Variants in IL4I1 observed in about 807,000 individuals in gnomAD.
IL4I1 encodes L-amino-acid oxidase.
IL4I1 carries 24 observed loss-of-function variants against 29.7 expected under a neutral mutation model. The ratio of observed to expected loss-of-function variants is 0.81; its 90% confidence interval spans 0.59 to 1.14. The LOEUF (loss-of-function observed/expected upper bound fraction) is 1.14. Among genes scored for constraint, IL4I1 ranks in the 50% most tolerant of loss-of-function variants. The pLI, the probability that IL4I1 is intolerant of heterozygous loss-of-function variation, is 0.00. For synonymous variants in IL4I1, 371 were observed against 352.5 expected (o/e 1.05, Z -0.59); for missense variants, 686 against 785.6 (o/e 0.87, Z 1.52).
chr19:49,907,684 G>A (rs942961208), intron 2 of IL4I1: 10 of 359,274 alleles, frequency 2.8e-5, no homozygotes, highest in South Asian at 4.3e-5. Context: ...GATCACAGGC[G>A]TCCACCACAC....
At chr19:49,901,480 G>T (rs762797530), upstream of IL4I1, among the ~76,000 whole-genome samples, 2 of 152,216 alleles carry the variant, frequency 1.3e-5, no homozygotes, top group Non-Finnish European at 2.9e-5. Context: ...GTGGGAGTCA[G>T]GGGGTCCAGG....
At chr19:49,929,334 CG>C (rs1199660713) in exon 1 of IL4I1, 1 of 154,862 alleles carries the variant, frequency 6.5e-6, no homozygotes, top group African/African-American at 2.4e-5. Flanking sequence ...ACCACGCCTG[CG>C]CTCTCCGCTC....
intron 2 of IL4I1, chr19:49,908,687 C>A: frequency 6.2e-7 from 1 of 1,612,232 alleles, no homozygotes; most frequent in Non-Finnish European, 8.5e-7. Flanking sequence ...GCGGTGCAGG[C>A]TGGTGATCTT....
intron 2 of IL4I1, chr19:49,907,462 T>C (rs1312396650): frequency 6.9e-6 from 3 of 437,466 alleles, no homozygotes; most frequent in Non-Finnish European, 1.3e-5. Flanking sequence ...CTGCTTTGCC[T>C]TGGTGGTTAG....
intron 2 of IL4I1, among the ~76,000 whole-genome samples, chr19:49,914,552 C>T (rs962049540): frequency 6.6e-6 from 1 of 152,064 alleles, no homozygotes; most frequent in African/African-American, 2.4e-5. Context: ...GCCTTCACAG[C>T]CCTGGGAACC....
rs145774265 is a variant in IL4I1 at position 49,903,364 on chromosome 19, G to A, written c.-105+835C>T. Among the ~76,000 whole-genome samples the A allele has an allele frequency of 5.5e-3, 840 of 152,236 alleles. 11 individuals are homozygous for A. Among genetic ancestry groups the A allele is most frequent in the African/African-American group, 0.019 (806 of 41,528 alleles). On this transcript the variant is annotated intron_variant, in intron 3 of 9. Transcript: ENST00000341114. ...GGTTCAACCTGATGGTGTCTGGAGG[G>A]GAGACGGGACAAGGGCGCCCATGTG...
At chr19:49,926,616 G>T (rs918320559) in intron 2 of IL4I1, among the ~76,000 whole-genome samples, 1 of 152,190 alleles carries the variant, frequency 6.6e-6, no homozygotes, top group African/African-American at 2.4e-5. Flanking sequence ...CGGCGGGGCG[G>T]GGGAGATAGG....
chr19:49,919,013 T>C (rs1261553105), intron 2 of IL4I1, among the ~76,000 whole-genome samples: 1 of 150,578 alleles, frequency 6.6e-6, no homozygotes, highest in Non-Finnish European at 1.5e-5. Context: ...ATTAGCCAGG[T>C]ATGGTGGTGC....
intron 3 of IL4I1, among the ~76,000 whole-genome samples, chr19:49,902,366 T>C (rs1324357796): frequency 6.6e-6 from 1 of 150,822 alleles, no homozygotes; most frequent in Non-Finnish European, 1.5e-5. Context: ...TTTCTTTTTT[T>C]TTTTTTTTTT....
At chr19:49,902,573 A>G (rs912123395) in intron 3 of IL4I1, among the ~76,000 whole-genome samples, 3 of 152,140 alleles carry the variant, frequency 2.0e-5, no homozygotes, top group Admixed American at 2.0e-4. Context: ...GACACCTGCA[A>G]TCACAGTACT....
At chr19:49,916,967 C>A (rs1293337068) in intron 2 of IL4I1, among the ~76,000 whole-genome samples, 1 of 152,246 alleles carries the variant, frequency 6.6e-6, no homozygotes, top group South Asian at 2.1e-4. Flanking sequence ...AGGCCCATGG[C>A]ATTCGGCTGA....
At chr19:49,914,510 A>G (rs1481894197) in intron 2 of IL4I1, among the ~76,000 whole-genome samples, 5 of 152,090 alleles carry the variant, frequency 3.3e-5, no homozygotes, top group Non-Finnish European at 7.4e-5. Context: ...GCCTGCCCCA[A>G]CATTTACCCT....
intron 2 of IL4I1, among the ~76,000 whole-genome samples, chr19:49,912,162 TCAC>T (rs956402304): frequency 1.4e-5 from 2 of 144,532 alleles, no homozygotes; most frequent in Non-Finnish European, 3.0e-5. Context: ...GCTTAACAGT[TCAC>T]CTTTTTTTTT....
rs952219759 is a variant in IL4I1, at chr19:49,921,063, C to A, written c.-228+6631G>T. Reference sequence around the variant, plus strand: ...TGAGAACTGGAAGCAAACACAGCCCCTTCCTGCCTCGGCGGACATCTCCAC... The same window carrying A: ...TGAGAACTGGAAGCAAACACAGCCCATTCCTGCCTCGGCGGACATCTCCAC... On this transcript the variant is annotated intron_variant, in intron 2 of 9. Transcript: ENST00000341114. The surrounding 1 kb of genome is among the most constrained non-coding windows in gnomAD (Gnocchi z 5.4). 6.6e-6 allele frequency among the ~76,000 whole-genome samples: 1 copy of A among 152,148 alleles called. No individual in the cohort carries two copies. The highest frequency in any genetic ancestry group is 2.4e-5 in the African/African-American group (1 of 41,408).
intron 2 of IL4I1, chr19:49,909,775 G>A (rs1257483858): frequency 1.9e-6 from 3 of 1,614,092 alleles, no homozygotes; most frequent in Non-Finnish European, 8.5e-7. Context: ...CGCCTGTAGG[G>A]GCCCCAGTGC....
chr19:49,891,198 A>G, intron 6 of IL4I1, 91 bp from the exon 7 acceptor site: 1 of 1,539,516 alleles, frequency 6.5e-7, no homozygotes, highest in Non-Finnish European at 8.8e-7. Context: ...GTCCCATGAC[A>G]TGTCCTTGGA....
chr19:49,928,762 C>G (rs1352378555), intron 1 of IL4I1: 1 of 152,134 alleles, frequency 6.6e-6, no homozygotes, highest in Admixed American at 6.5e-5. Context: ...TCAGAGTCAG[C>G]AGCTGGGGGA....
At position 49,890,076 on chromosome 19, in the gene IL4I1, T is replaced by A. The variant is rs574930395; in HGVS notation, c.1298A>T (p.Gln433Leu). 6.5e-7 allele frequency: 1 copy of A among 1,548,522 alleles called. No individual in the cohort carries two copies. The highest frequency in any genetic ancestry group is 8.7e-7 in the Non-Finnish European group (1 of 1,146,954). Residue 433 changes from glutamine to leucine, a missense_variant, in exon 8 of 8, where the codon CAG becomes CTG. Coordinates refer to ENST00000391826, the MANE Select transcript of IL4I1 (RefSeq NM_152899.2). The stretch of plus-strand genomic sequence containing the variant: ...GACGACGCCGGTGCCGTCCCAGAGC[T>A]GGCGCACGACAGGCCCGTGCAATGC... The part of the protein sequence containing the change: ...VAALHGPVVR[Q>L]LWDGTGVVKR...
intron 6 of IL4I1, 81 bp from the exon 7 acceptor site, chr19:49,891,188 G>C: frequency 6.4e-7 from 1 of 1,555,364 alleles, no homozygotes; most frequent in Non-Finnish European, 8.7e-7. Context: ...GGGCCTCCTG[G>C]TCCCATGACA....
Sources: allele counts gnomAD v4.1 joint callset (sites outside exome capture counted in the v4.1 genomes callset), GRCh38; gene constraint gnomAD v4.1.1; non-coding constraint Gnocchi (gnomAD v3.1); transcripts MANE v1.5; gene names NCBI Gene and HGNC (gene_info 2026-07-23, HGNC 2026-07-21).